Variants in ANK3 observed in about 807,000 individuals in gnomAD.
The protein encoded by ANK3 is ankyrin 3, also known as ankyrin-3.
Under a neutral mutation model 370.9 loss-of-function variants are expected in ANK3, and 57 were observed. The ratio of observed to expected loss-of-function variants is 0.15; its 90% CI spans 0.12 to 0.19. The LOEUF (loss-of-function observed/expected upper bound fraction) is 0.19. Ranked by LOEUF, ANK3 falls within the 10% of genes least tolerant of loss-of-function variation. ANK3 has a pLI of 1.00. For synonymous variants in ANK3, 1,929 were observed against 1,946.3 expected, an observed-to-expected ratio of 0.99 and a Z score of 0.23; for missense variants, 4,439 against 5,302.1, an observed-to-expected ratio of 0.84 and a Z score of 5.06.
At chr10:60,632,441 G>T (rs2078497230) in intron 1 of ANK3, among the ~76,000 whole-genome samples, 1 of 152,076 alleles carries the variant, frequency 6.6e-6, no homozygotes, top group African/African-American at 2.4e-5. Flanking sequence ...AAGATGACAG[G>T]TCTTTGTTTA....
At chr10:60,081,431 T>C (rs1251757794) in intron 35 of ANK3, 1 of 384,640 alleles carries the variant, frequency 2.6e-6, no homozygotes, top group Non-Finnish European at 5.1e-6. Context: ...GCTACTTGAT[T>C]CTATTTATTA....
At chr10:60,602,039 A>G (rs2078071479) in intron 2 of ANK3, among the ~76,000 whole-genome samples, 1 of 152,166 alleles carries the variant, frequency 6.6e-6, no homozygotes, top group Non-Finnish European at 1.5e-5. Flanking sequence ...TCACTTTTGT[A>G]AAATGTAGTA....
chr10:60,073,474 C>T lies in ANK3; in HGVS notation c.7407G>A (p.Leu2469=), dbSNP rs937336142. ...AATGAGACACATCTAGCTTTTCTGACAGAAGCATTTTCTCAGCAAACCTGT... is the reference window on the plus strand; with the variant it reads ...AATGAGACACATCTAGCTTTTCTGATAGAAGCATTTTCTCAGCAAACCTGT... ...ESYRFAEKML[L]SEKLDVSHSD... is the part of the protein sequence containing the mutation. The change falls in exon 37 of 44, where the codon CTG becomes CTA. Residue 2469 remains leucine (L), a synonymous_variant. Coordinates refer to ENST00000280772, the MANE Select transcript of ANK3 (RefSeq NM_020987.5). 1 of 1,614,022 alleles carries T rather than the reference C, an allele frequency of 6.2e-7. No individual in the cohort carries two copies. Among genetic ancestry groups the T allele is most frequent in the Non-Finnish European group, 8.5e-7 (1 of 1,179,994 alleles).
At chr10:60,519,331 G>T (rs2076297054) in intron 2 of ANK3, among the ~76,000 whole-genome samples, 1 of 152,054 alleles carries the variant, frequency 6.6e-6, no homozygotes, top group South Asian at 2.1e-4. Flanking sequence ...ACACTAGACA[G>T]GTGTCACAGG....
At chr10:60,120,037 G>A (rs1433106501) in intron 25 of ANK3, among the ~76,000 whole-genome samples, 2 of 152,060 alleles carry the variant, frequency 1.3e-5, no homozygotes, top group Non-Finnish European at 2.9e-5. Flanking sequence ...AAAACTGGAA[G>A]AATCACATTA....
chr10:60,412,187 G>A (rs1030272756), intron 2 of ANK3, among the ~76,000 whole-genome samples: 13 of 152,124 alleles, frequency 8.5e-5, no homozygotes, highest in Non-Finnish European at 1.5e-4. Context: ...CAGGGTGCTC[G>A]GGGTGCATTA....
intron 2 of ANK3, among the ~76,000 whole-genome samples, chr10:60,420,841 T>TTGC (rs1346894424): frequency 9.9e-5 from 15 of 152,180 alleles, no homozygotes; most frequent in African/African-American, 3.6e-4. Context: ...TACCTAGCAA[T>TTGC]TGCACTGCTA....
At chr10:60,267,801 C>T (rs984510938) in intron 5 of ANK3, among the ~76,000 whole-genome samples, 1 of 152,168 alleles carries the variant, frequency 6.6e-6, no homozygotes, top group Non-Finnish European at 1.5e-5. Flanking sequence ...ACAAAGAAAG[C>T]TATGGAATCA....
At chr10:60,058,403 G>C (rs1020286925) in intron 41 of ANK3, among the ~76,000 whole-genome samples, 1 of 149,248 alleles carries the variant, frequency 6.7e-6, no homozygotes, top group African/African-American at 2.6e-5. Context: ...AAATTATTTT[G>C]GGTAAAGACA....
chr10:60,681,626 C>A (rs1186720656), intron 1 of ANK3, among the ~76,000 whole-genome samples: 1 of 152,192 alleles, frequency 6.6e-6, no homozygotes, highest in African/African-American at 2.4e-5. Flanking sequence ...TATGTGGCTG[C>A]ATTCATTGCT....
At position 60,548,556 on chromosome 10, in the gene ANK3, C is replaced by T. The variant is rs544272056; in HGVS notation, c.96+66630G>A. Among the ~76,000 whole-genome samples, 3 of 152,078 alleles carry T rather than the reference C, an allele frequency of 2.0e-5. No individual in the cohort carries two copies. The East Asian group carries it at 5.8e-4, about 29-fold the overall frequency. On this transcript the variant is annotated intron_variant, in intron 2 of 43. Coordinates refer to the ANK3 transcript ENST00000373827. Reference sequence around the variant, plus strand: ...TGAGCCACTGCACCCGTCCATATTTCCCAAATATTTTAAGTGTGAAAGTTC... The same window carrying T: ...TGAGCCACTGCACCCGTCCATATTTTCCAAATATTTTAAGTGTGAAAGTTC...
rs1407132890 is a variant in ANK3 at position 60,560,970 on chromosome 10, A to G, written c.96+54216T>C. On this transcript the variant is annotated intron_variant, in intron 2 of 43. Transcript: ENST00000373827. Reference sequence around the variant, plus strand: ...AACAGAAATCATCACTCAAGATAATATGAAAATATTCCAAAGAGATTTTTC... The same window carrying G: ...AACAGAAATCATCACTCAAGATAATGTGAAAATATTCCAAAGAGATTTTTC... Among the ~76,000 whole-genome samples, 7 of 152,346 alleles carry G rather than the reference A, an allele frequency of 4.6e-5. No homozygotes were observed. In the East Asian group the frequency reaches 1.3e-3, roughly 29 times the overall value.
chr10:60,230,641 A>G (rs916391061), intron 8 of ANK3, among the ~76,000 whole-genome samples: 1 of 152,234 alleles, frequency 6.6e-6, no homozygotes, highest in African/African-American at 2.4e-5. Context: ...CTGTAATCCC[A>G]GCACTTTGAG....
intron 25 of ANK3, among the ~76,000 whole-genome samples, chr10:60,116,585 C>G (rs966781383): frequency 9.0e-6 from 1 of 111,132 alleles, no homozygotes; most frequent in Non-Finnish European, 1.9e-5. Flanking sequence ...AAACAATAGA[C>G]TACTTATTAA....
At chr10:60,682,701 TGA>T (rs2079212838) in intron 1 of ANK3, among the ~76,000 whole-genome samples, 1 of 152,116 alleles carries the variant, frequency 6.6e-6, no homozygotes, top group South Asian at 2.1e-4. Flanking sequence ...AGAACTGTAT[TGA>T]GAGAGTTTCC....
intron 26 of ANK3, among the ~76,000 whole-genome samples, chr10:60,111,371 C>A (rs1040088840): frequency 6.6e-6 from 1 of 152,080 alleles, no homozygotes; most frequent in East Asian, 1.9e-4. Flanking sequence ...AGTCAACAGA[C>A]TGAGGAAAAG....
intron 1 of ANK3, among the ~76,000 whole-genome samples, chr10:60,322,716 T>G (rs1368780023): frequency 2.0e-5 from 3 of 152,192 alleles, no homozygotes; most frequent in African/African-American, 7.2e-5. Context: ...AAATGAACAC[T>G]GCTTTTCTTA....
intron 1 of ANK3, among the ~76,000 whole-genome samples, chr10:60,617,034 G>C (rs1459308978): frequency 6.6e-6 from 1 of 151,996 alleles, no homozygotes; most frequent in Non-Finnish European, 1.5e-5. Context: ...TGATTTATAA[G>C]AGCTCTTTAG....
In ANK3 at chr10:60,073,751, G is replaced by A. The variant is rs752557923; in HGVS notation, c.7130C>T (p.Pro2377Leu). 1 of 1,613,602 alleles carries A rather than the reference G, an allele frequency of 6.2e-7. No homozygotes were observed. The highest frequency in any genetic ancestry group is 1.7e-5 in the Admixed American group (1 of 59,958). The change falls in exon 37 of 44, where the codon CCA becomes CTA. Residue 2377 changes from proline (P) to leucine (L), a missense_variant. Around this residue, in one of 13 missense-constraint regions of ANK3, gnomAD observed 1,601 missense variants for 1,731.7 expected, o/e 0.92. Coordinates refer to ENST00000280772, the MANE Select transcript of ANK3 (RefSeq NM_020987.5). ...RGDINLKDFL[P>L]EKHDAFPCSE... is the part of the protein sequence containing the mutation. ...ACAAGGAAAAGCATCGTGTTTTTCT[G>A]GCAGAAAATCTTTTAGGTTAATATC...
Sources: gnomAD v4.1 joint callset for allele counts (sites outside exome capture counted in the v4.1 genomes callset) on GRCh38, gnomAD v4.1.1 for gene constraint, gnomAD v4.1.1 regional missense constraint, MANE v1.5 for transcripts, NCBI Gene and HGNC (gene_info 2026-07-23, HGNC 2026-07-21) for gene names.